Variants in NEDD9 observed in about 807,000 individuals in gnomAD.
NEDD9 encodes the protein neural precursor cell expressed, developmentally down-regulated 9.
NEDD9 carries 26 observed loss-of-function variants against 76.6 expected under a neutral mutation model. The observed-to-expected ratio is 0.34, with a 90% CI of 0.25 to 0.47. The LOEUF is 0.47. Among genes scored for constraint, NEDD9 ranks in the 20% least tolerant of loss-of-function variants. The pLI is 1.00. For missense variants in NEDD9, 937 were observed against 1,058.5 expected (o/e 0.89, Z 1.59); for synonymous variants, 392 against 414.2 (o/e 0.95, Z 0.65).
At chr6:11,233,825 C>G (rs1266752124), upstream of NEDD9, among the ~76,000 whole-genome samples, 1 of 152,088 alleles carries the variant, frequency 6.6e-6, no homozygotes, top group African/African-American at 2.4e-5. Flanking sequence ...CAATAGCTGT[C>G]CCTGAGTGGG....
chr6:11,256,902 T>C (rs182273793), intron 3 of NEDD9, among the ~76,000 whole-genome samples: 1 of 152,322 alleles, frequency 6.6e-6, no homozygotes, highest in Admixed American at 6.5e-5. Context: ...GGATGGCATA[T>C]TTGTAGGCTG....
chr6:11,302,438 C>G (rs1002615310), intron 3 of NEDD9, among the ~76,000 whole-genome samples: 2 of 152,156 alleles, frequency 1.3e-5, no homozygotes, highest in Non-Finnish European at 2.9e-5. Flanking sequence ...ACCAGAGGTA[C>G]AAAGAGGAGC....
intron 2 of NEDD9, among the ~76,000 whole-genome samples, chr6:11,333,064 G>C (rs2327397): frequency 2.0e-4 from 3 of 15,010 alleles, no homozygotes; most frequent in African/African-American, 8.5e-4. Context: ...GGAAGGAAGG[G>C]AGGGAGGGAG....
intron 1 of NEDD9, among the ~76,000 whole-genome samples, chr6:11,369,148 T>C (rs886635043): frequency 6.6e-6 from 1 of 152,246 alleles, no homozygotes; most frequent in Non-Finnish European, 1.5e-5. Flanking sequence ...ATCTGTCCAT[T>C]TCCTGAACCC....
At chr6:11,375,663 G>A (rs900535321) in intron 1 of NEDD9, among the ~76,000 whole-genome samples, 4 of 151,990 alleles carry the variant, frequency 2.6e-5, no homozygotes, top group African/African-American at 7.3e-5. Flanking sequence ...AAGGACTCTG[G>A]GACCTCTCCC....
chr6:11,215,848 G>T (rs988421318), intron 1 of NEDD9, among the ~76,000 whole-genome samples: 2 of 152,142 alleles, frequency 1.3e-5, no homozygotes, highest in Non-Finnish European at 2.9e-5. Flanking sequence ...AAAGGCAAAG[G>T]GCTACAGATC....
At chr6:11,348,235 A>T (rs927787213) in intron 1 of NEDD9, among the ~76,000 whole-genome samples, 5 of 152,218 alleles carry the variant, frequency 3.3e-5, no homozygotes, top group African/African-American at 9.6e-5. Context: ...GAGGTGAAAG[A>T]TCTCTGCAAT....
chr6:11,262,271 AG>A (rs1197995187), intron 3 of NEDD9, among the ~76,000 whole-genome samples: 1 of 152,262 alleles, frequency 6.6e-6, no homozygotes, highest in Non-Finnish European at 1.5e-5. Flanking sequence ...GAAGGCACAA[AG>A]AGCCTTTGCT....
chr6:11,312,943 A>G (rs1761419059), intron 2 of NEDD9, among the ~76,000 whole-genome samples: 1 of 152,198 alleles, frequency 6.6e-6, no homozygotes, highest in African/African-American at 2.4e-5. Flanking sequence ...TGTCTTTCTT[A>G]TTGTTCTTAA....
intron 1 of NEDD9, among the ~76,000 whole-genome samples, chr6:11,218,672 C>T (rs1759048722): frequency 6.6e-6 from 1 of 152,124 alleles, no homozygotes; most frequent in Admixed American, 6.5e-5. Flanking sequence ...TCATTGTCTG[C>T]AGGGAGGGTG....
chr6:11,335,167 C>T (rs569370927), intron 1 of NEDD9, among the ~76,000 whole-genome samples: 3 of 152,136 alleles, frequency 2.0e-5, no homozygotes, highest in African/African-American at 7.2e-5. Context: ...TTTTCTTATT[C>T]CACACAACAA....
intron 1 of NEDD9, among the ~76,000 whole-genome samples, chr6:11,373,532 C>T (rs753543265): frequency 6.6e-6 from 1 of 152,230 alleles, no homozygotes; most frequent in Non-Finnish European, 1.5e-5. Context: ...AACCTCCACC[C>T]TTCCATATGT....
chr6:11,312,707 TATA>T (rs1761411627), intron 2 of NEDD9, among the ~76,000 whole-genome samples: 4 of 147,738 alleles, frequency 2.7e-5, no homozygotes, highest in African/African-American at 9.8e-5. Flanking sequence ...TATATATATA[TATA>T]TTTTTAAAGA....
chr6:11,355,974 G>C (rs1762566713), intron 1 of NEDD9, among the ~76,000 whole-genome samples: 1 of 152,124 alleles, frequency 6.6e-6, no homozygotes, highest in Non-Finnish European at 1.5e-5. Flanking sequence ...GCCCACCTTG[G>C]CCTCCCAAAG....
rs115552978 is a variant in NEDD9, at chr6:11,213,773, G to A, written c.13-46C>T. On this transcript the variant is annotated intron_variant, in intron 1 of 6. Transcript: ENST00000379446. The surrounding 1 kb of genome is among the most constrained non-coding windows in gnomAD (Gnocchi z 5.4). The stretch of plus-strand genomic sequence containing the variant: ...GGAAACCGTGTTAGAATATTGGGTC[G>A]GTCCCTTTATCACCTAAGGCCCGTG... The A allele has an allele frequency of 1.6e-5, 25 of 1,579,252 alleles. No individual in the cohort carries two copies. Among genetic ancestry groups the A allele is most frequent in the South Asian group, 9.0e-5 (8 of 88,442 alleles).
upstream of NEDD9, chr6:11,233,344 A>G (rs1442072268): frequency 1.9e-6 from 1 of 519,036 alleles, no homozygotes; most frequent in South Asian, 1.4e-5. Flanking sequence ...GCTTCTCACC[A>G]GGGCCTCAGA....
chr6:11,188,913 A>G (rs1758051037), intron 5 of NEDD9, among the ~76,000 whole-genome samples: 1 of 151,770 alleles, frequency 6.6e-6, no homozygotes, highest in South Asian at 2.1e-4. Flanking sequence ...AGAATAAGAT[A>G]GTAAGCCTAG....
chr6:11,320,839 G>A (rs1164383521), intron 2 of NEDD9, among the ~76,000 whole-genome samples: 2 of 152,012 alleles, frequency 1.3e-5, no homozygotes, highest in East Asian at 3.9e-4. Flanking sequence ...CTATTCAAAT[G>A]TGCTTTCATA....
intron 2 of NEDD9, among the ~76,000 whole-genome samples, chr6:11,307,326 T>A (rs955003528): frequency 1.3e-5 from 2 of 152,108 alleles, no homozygotes; most frequent in African/African-American, 4.8e-5. Flanking sequence ...GTATTTATAG[T>A]CTTGGCTAAG....
Sources: allele counts gnomAD v4.1 joint callset (sites outside exome capture counted in the v4.1 genomes callset), GRCh38; gene constraint gnomAD v4.1.1; non-coding constraint Gnocchi (gnomAD v3.1); transcripts MANE v1.5; gene names NCBI Gene and HGNC (gene_info 2026-07-23, HGNC 2026-07-21).